The following ZMPSTE24 variants were observed in gnomAD, a reference collection of about 807,000 sequenced individuals.
The protein encoded by ZMPSTE24 is zinc metallopeptidase STE24.
ZMPSTE24 carries 48 observed loss-of-function variants against 56.7 expected under a neutral mutation model. That is an observed-to-expected ratio of 0.85 (90% CI 0.67 to 1.08). The LOEUF is 1.08. ZMPSTE24 is among the 50% of genes least tolerant of loss of function. The probability of loss-of-function intolerance (pLI) is 0.00; values close to 1 mark genes in which losing one functional copy is unlikely to be tolerated. For missense variants in ZMPSTE24, 503 were observed against 548.7 expected (o/e 0.92, Z 0.83); for synonymous variants, 172 against 195.2 (o/e 0.88, Z 0.99).
chr1:40,260,591 T>C (rs1643486914), intron 1 of ZMPSTE24, among the ~76,000 whole-genome samples: 1 of 152,248 alleles, frequency 6.6e-6, no homozygotes, highest in Non-Finnish European at 1.5e-5. Flanking sequence ...GGTTTACATA[T>C]ACAAACTGAA....
chr1:40,280,257 T>C (rs1039673381), intron 6 of ZMPSTE24, among the ~76,000 whole-genome samples: 1 of 152,070 alleles, frequency 6.6e-6, no homozygotes, highest in African/African-American at 2.4e-5. Context: ...GCCACTACGC[T>C]CCTCATCTTC....
chr1:40,291,324 T>G (rs1440722548), intron 9 of ZMPSTE24, among the ~76,000 whole-genome samples: 1 of 152,220 alleles, frequency 6.6e-6, no homozygotes, highest in Non-Finnish European at 1.5e-5. Flanking sequence ...GGTAAAAATC[T>G]TATGTGTATG....
At chr1:40,279,183 C>T (rs1401556734) in intron 6 of ZMPSTE24, among the ~76,000 whole-genome samples, 1 of 152,058 alleles carries the variant, frequency 6.6e-6, no homozygotes, top group African/African-American at 2.4e-5. Context: ...ATAAAAATTG[C>T]TTTAATTATA....
chr1:40,291,249 G>T (rs1343495794), intron 9 of ZMPSTE24, among the ~76,000 whole-genome samples: 1 of 152,186 alleles, frequency 6.6e-6, no homozygotes, highest in African/African-American at 2.4e-5. Flanking sequence ...CACCTAAAAG[G>T]ACTCGGTAGA....
At chr1:40,280,051 AT>A (rs199585395) in intron 6 of ZMPSTE24, among the ~76,000 whole-genome samples, 1 of 151,894 alleles carries the variant, frequency 6.6e-6, no homozygotes, top group African/African-American at 2.4e-5. Flanking sequence ...CAAAACAATG[AT>A]TTTTTTTAAT....
At chr1:40,273,710 T>G (rs1025493801) in intron 6 of ZMPSTE24, among the ~76,000 whole-genome samples, 6 of 149,736 alleles carry the variant, frequency 4.0e-5, no homozygotes, top group Admixed American at 2.0e-4. Context: ...TCTTTTTTTT[T>G]TAGGTAATAT....
chr1:40,278,591 A>G lies in ZMPSTE24; in HGVS notation c.770-2752A>G, dbSNP rs1281132893. ...AAAAAAAAAAAAAAAAAAAAAGAAT[A>G]TCTCGTGTAATCCATCATCTAACCC... is the stretch of plus-strand genomic sequence containing the variant. On this transcript the variant is annotated intron_variant, in intron 6 of 9. Transcript: ENST00000372759. Among the ~76,000 whole-genome samples the G allele has an allele frequency of 2.4e-4, 35 of 148,490 alleles. 1 individual carries two copies.
At chr1:40,273,533 AAAAAATATATATATAT>A (rs1190224066) in intron 6 of ZMPSTE24, among the ~76,000 whole-genome samples, 2 of 57,104 alleles carry the variant, frequency 3.5e-5, no homozygotes, top group Non-Finnish European at 6.0e-5. Flanking sequence ...AAAAAAAAAA[AAAAAATATATATATAT>A]ATATATATAT....
Position 40,270,099 on chromosome 1 carries a change from C to T in ZMPSTE24, c.599C>T (p.Ala200Val). The T allele has an allele frequency of 1.2e-6, 2 of 1,613,702 alleles. No individual in the cohort carries two copies. The highest frequency in any genetic ancestry group is 8.5e-7 in the Non-Finnish European group (1 of 1,179,884). The change falls in exon 5 of 10, where the codon GCC becomes GTC. Residue 200 changes from alanine to valine, a missense_variant. Transcript: ENST00000372759. ...KIGGDYFFIY[A>V]WLFTLVVSLV... is the part of the protein sequence containing the mutation. ...GGGGGTGACTATTTTTTTATTTATG[C>T]CTGGCTGTTCACATTAGTTGTGTCT...
rs114739657 is a variant in ZMPSTE24, at chr1:40,274,958, T to C, written c.769+2923T>C. On this transcript the variant is annotated intron_variant, in intron 6 of 9. Coordinates refer to ENST00000372759, the MANE Select transcript of ZMPSTE24 (RefSeq NM_005857.5). ...GACTTTTGACCTGAGCAGTTAGATA[T>C]ATGGTAGTTTCCTGAGATGGAAAAA... 6.2e-3 allele frequency among the ~76,000 whole-genome samples: 942 copies of C among 152,124 alleles called. 13 individuals carry two copies. Among genetic ancestry groups the C allele is most frequent in the African/African-American group, 0.022 (895 of 41,480 alleles).
At chr1:40,274,145 C>T (rs1643646315) in intron 6 of ZMPSTE24, among the ~76,000 whole-genome samples, 1 of 152,158 alleles carries the variant, frequency 6.6e-6, no homozygotes, top group African/African-American at 2.4e-5. Context: ...CCTGTAATCC[C>T]ATCTACTGGG....
At chr1:40,291,021 T>C (rs1398915956) in intron 9 of ZMPSTE24, 24 bp downstream of exon 9, 2 of 1,612,844 alleles carry the variant, frequency 1.2e-6, no homozygotes, top group Admixed American at 3.3e-5. Flanking sequence ...TTTAAAATTA[T>C]CACACATATG....
At chr1:40,287,665 ACT>A (rs1643801096) in intron 8 of ZMPSTE24, among the ~76,000 whole-genome samples, 1 of 147,412 alleles carries the variant, frequency 6.8e-6, no homozygotes, top group African/African-American at 2.5e-5. Flanking sequence ...ACAGAGTGAG[ACT>A]CTGTCTCAAA....
chr1:40,268,540 AATAAAGAATACAAATGT>A lies in ZMPSTE24; in HGVS notation c.474+6_474+22del, dbSNP rs1166534823. The A allele has an allele frequency of 4.6e-6, 7 of 1,538,260 alleles. No homozygotes were observed. The highest frequency in any genetic ancestry group is 5.4e-6 in the Non-Finnish European group (6 of 1,114,034). ...AAACATGGCTTCAATCAACAGGTAT[AATAAAGAATACAAATGT>A]TCTCTTTTAAATGTGAAAAACTTCT... On this transcript the variant is annotated splice_donor_region_variant and intron_variant, in intron 4 of 9. Coordinates refer to ENST00000372759, the MANE Select transcript of ZMPSTE24 (RefSeq NM_005857.5).
chr1:40,281,462 G>T lies in ZMPSTE24; in HGVS notation c.889G>T (p.Asp297Tyr). 2 of 1,614,134 alleles carry T rather than the reference G, an allele frequency of 1.2e-6. No homozygotes were observed. Among genetic ancestry groups the T allele is most frequent in the Non-Finnish European group, 1.7e-6 (2 of 1,180,002 alleles). Residue 297 changes from aspartate to tyrosine, a missense_variant, in exon 7 of 10, where the codon GAT (aspartate) becomes TAT (tyrosine). Coordinates refer to ENST00000372759, the MANE Select transcript of ZMPSTE24 (RefSeq NM_005857.5). ...YSVLNKDIQE[D>Y]SGMEPRNEEE... is the part of the protein sequence containing the mutation. ...TGTACTAAACAAAGACATCCAGGAGGATTCTGGCATGGAACCCCGCAATGA... is the reference window on the plus strand; with the variant it reads ...TGTACTAAACAAAGACATCCAGGAGTATTCTGGCATGGAACCCCGCAATGA...
rs78029851 is a variant in ZMPSTE24 at position 40,266,725 on chromosome 1, A to G, written c.271-1061A>G. On this transcript the variant is annotated intron_variant, in intron 2 of 9. Transcript: ENST00000372759. ...GCCATATTAATGTGGTTCAAATTCC[A>G]TTTCTATCACTCATTAGCTGTTGGA... Among the ~76,000 whole-genome samples the G allele has an allele frequency of 4.6e-3, 629 of 138,044 alleles. 6 individuals are homozygous for G. Among genetic ancestry groups the G allele is most frequent in the African/African-American group, 0.016 (601 of 36,532 alleles). The allele number at this position is 138,044 out of a possible 152,430, so 90.6% of individuals were successfully genotyped here.
At chr1:40,276,775 T>G (rs987550724) in intron 6 of ZMPSTE24, among the ~76,000 whole-genome samples, 4 of 152,224 alleles carry the variant, frequency 2.6e-5, no homozygotes, top group Non-Finnish European at 4.4e-5. Context: ...ACACCTAGGT[T>G]GTATGGTATA....
At chr1:40,275,422 A>G (rs777471644) in intron 6 of ZMPSTE24, among the ~76,000 whole-genome samples, 1 of 149,766 alleles carries the variant, frequency 6.7e-6, no homozygotes, top group Non-Finnish European at 1.5e-5. Flanking sequence ...TGACAAAGCA[A>G]GACTCTGTCT....
intron 5 of ZMPSTE24, 26 bp downstream of exon 5, chr1:40,270,153 C>G: frequency 6.2e-7 from 1 of 1,613,128 alleles, no homozygotes; most frequent in Non-Finnish European, 8.5e-7. Flanking sequence ...ATTTCGTTTT[C>G]TTTTGCAAAA....
Sources: allele counts gnomAD v4.1 joint callset (sites outside exome capture counted in the v4.1 genomes callset), GRCh38; gene constraint gnomAD v4.1.1; transcripts MANE v1.5; gene names NCBI Gene and HGNC (gene_info 2026-07-23, HGNC 2026-07-21).